SHC4: variants seen among roughly 807,000 people sequenced by gnomAD.
SHC4 encodes the protein SHC adaptor protein 4, also known as SHC-transforming protein 4.
Under a neutral mutation model 69.4 loss-of-function variants are expected in SHC4, and 41 were observed. The observed-to-expected ratio is 0.59, with a 90% CI of 0.46 to 0.77. The LOEUF (loss-of-function observed/expected upper bound fraction) is 0.77. Among genes scored for constraint, SHC4 ranks in the 30% least tolerant of loss-of-function variants. The pLI, the probability that SHC4 is intolerant of heterozygous loss-of-function variation, is 0.00. For missense variants in SHC4, 777 were observed against 783.8 expected, an observed-to-expected ratio of 0.99 and a Z score of 0.10; for synonymous variants, 318 against 299.3, an observed-to-expected ratio of 1.06 and a Z score of -0.64.
chr15:48,866,751 C>G (rs1408060308), intron 6 of SHC4, among the ~76,000 whole-genome samples: 1 of 152,186 alleles, frequency 6.6e-6, no homozygotes, highest in Non-Finnish European at 1.5e-5. Context: ...TTATAGCTCT[C>G]TAAATTTTCA....
At chr15:48,924,751 T>G (rs1221858257) in intron 2 of SHC4, 128 bp downstream of exon 2, 1 of 936,334 alleles carries the variant, frequency 1.1e-6, no homozygotes, top group African/African-American at 1.6e-5. Flanking sequence ...TGGGCGAGCC[T>G]TCTACACTCC....
At chr15:48,910,010 A>G (rs1364134414) in intron 2 of SHC4, among the ~76,000 whole-genome samples, 1 of 152,012 alleles carries the variant, frequency 6.6e-6, no homozygotes, top group Non-Finnish European at 1.5e-5. Flanking sequence ...ATTGGTCTGT[A>G]GTTTTCTTTT....
At chr15:48,878,611 C>T in intron 4 of SHC4, 2 of 1,614,022 alleles carry the variant, frequency 1.2e-6, no homozygotes, top group Non-Finnish European at 1.7e-6. Flanking sequence ...CCCTGGATGG[C>T]GGGTTTCAGA....
rs1348532286 is a variant in SHC4, at chr15:48,855,985, A to G, written c.1210T>C (p.Cys404Arg). Residue 404 changes from cysteine (C) to arginine (R), a missense_variant, in exon 8 of 12, where the codon TGC becomes CGC. Cys to Arg is a radical substitution (Grantham distance 180). Coordinates refer to ENST00000332408, the MANE Select transcript of SHC4 (RefSeq NM_203349.4). ...CACAACTTTTCACACTGTATGGGGCAGTAAGCCATTTGTTCCGTGGCTTGA... is the reference window on the plus strand; with the variant it reads ...CACAACTTTTCACACTGTATGGGGCGGTAAGCCATTTGTTCCGTGGCTTGA... The part of the protein sequence containing the change: ...KVQATEQMAY[C>R]PIQCEKLCYL... 1 of 1,613,834 alleles carries G rather than the reference A, an allele frequency of 6.2e-7. No individual in the cohort carries two copies. Among genetic ancestry groups the G allele is most frequent in the South Asian group, 1.1e-5 (1 of 91,002 alleles).
chr15:48,882,932 A>T (rs532239366), intron 4 of SHC4, among the ~76,000 whole-genome samples: 1 of 152,334 alleles, frequency 6.6e-6, no homozygotes, highest in Admixed American at 6.5e-5. Context: ...TACCAATGGT[A>T]TCACCACTCT....
At chr15:48,834,745 C>T (rs773855333) in intron 11 of SHC4, 24 bp downstream of exon 11, 2 of 1,612,124 alleles carry the variant, frequency 1.2e-6, no homozygotes, top group Non-Finnish European at 1.7e-6. Context: ...TCCTGTGAAA[C>T]CTCTAATGAG....
chr15:48,906,226 T>A (rs913707930), intron 2 of SHC4, among the ~76,000 whole-genome samples: 9 of 152,212 alleles, frequency 5.9e-5, no homozygotes, highest in African/African-American at 1.7e-4. Context: ...AATTGAACTA[T>A]GTTCTACAAT....
chr15:48,853,726 T>C (rs1034437222), intron 8 of SHC4, among the ~76,000 whole-genome samples: 3 of 151,918 alleles, frequency 2.0e-5, no homozygotes, highest in Non-Finnish European at 4.4e-5. Context: ...TCAACAAAAA[T>C]AAGCAATAGG....
At chr15:48,916,048 T>C (rs1416658390) in intron 2 of SHC4, among the ~76,000 whole-genome samples, 1 of 152,182 alleles carries the variant, frequency 6.6e-6, no homozygotes, top group Non-Finnish European at 1.5e-5. Context: ...TACTCTCACT[T>C]ATCCATGCAT....
At chr15:48,913,135 A>T (rs1900540428) in intron 2 of SHC4, among the ~76,000 whole-genome samples, 2 of 146,544 alleles carry the variant, frequency 1.4e-5, no homozygotes, top group Admixed American at 6.9e-5. Context: ...AGGAGCCCTT[A>T]GTGTGTGGGG....
chr15:48,890,485 C>A (rs1900116950), intron 3 of SHC4, among the ~76,000 whole-genome samples: 1 of 152,148 alleles, frequency 6.6e-6, no homozygotes, highest in Non-Finnish European at 1.5e-5. Flanking sequence ...CAGTAACAGC[C>A]AACTCTGGCA....
chr15:48,864,451 T>G (rs1266570001), intron 6 of SHC4, among the ~76,000 whole-genome samples: 1 of 132,144 alleles, frequency 7.6e-6, no homozygotes, highest in Non-Finnish European at 1.6e-5. Flanking sequence ...TTTTTTTTTT[T>G]TTTTTTTTTT....
Position 48,856,535 on chromosome 15 carries a change from G to C in SHC4, c.1071-411C>G, listed in dbSNP as rs189885311. The stretch of plus-strand genomic sequence containing the variant: ...AGATAAAATTTAAATATTGTTCTTC[G>C]GGTATAGGGCCTGTCCCAGTTTATT... On this transcript the variant is annotated intron_variant, in intron 7 of 11. Coordinates refer to ENST00000332408, the MANE Select transcript of SHC4 (RefSeq NM_203349.4). Among the ~76,000 whole-genome samples the C allele has an allele frequency of 2.1e-3, 313 of 151,912 alleles. 1 individual carries two copies. Among genetic ancestry groups the C allele is most frequent in the African/African-American group, 7.1e-3 (294 of 41,452 alleles).
intron 1 of SHC4, among the ~76,000 whole-genome samples, chr15:48,951,402 C>T (rs756959879): frequency 2.0e-5 from 3 of 152,076 alleles, no homozygotes; most frequent in Non-Finnish European, 4.4e-5. Context: ...CTCCAGGCTC[C>T]CTCCTCTTGC....
intron 10 of SHC4, among the ~76,000 whole-genome samples, chr15:48,838,857 A>C (rs1355203845): frequency 4.6e-5 from 7 of 152,174 alleles, no homozygotes; most frequent in Non-Finnish European, 1.0e-4. Flanking sequence ...TAGATCCCCA[A>C]CCTCACATAA....
rs146792389 is a variant in SHC4 at position 48,899,969 on chromosome 15, G to A, written c.657-9158C>T. 5.3e-5 allele frequency among the ~76,000 whole-genome samples: 8 copies of A among 152,236 alleles called. No individual in the cohort carries two copies. The East Asian group carries it at 7.7e-4, about 15-fold the overall frequency. ...CAGCTGATTAAACCTACTTGGACTC[G>A]TTGCATTGAGTAACAGGTTCTGTGC... On this transcript the variant is annotated intron_variant, in intron 2 of 11. Transcript: ENST00000332408.
intron 1 of SHC4, among the ~76,000 whole-genome samples, chr15:48,936,981 G>T (rs891733650): frequency 1.3e-5 from 2 of 152,078 alleles, no homozygotes; most frequent in Non-Finnish European, 2.9e-5. Flanking sequence ...TCATCCCTGT[G>T]GCAAAAACTA....
At position 48,939,130 on chromosome 15, in the gene SHC4, T is replaced by C. The variant is rs115614883; in HGVS notation, c.586-14181A>G. 2.5e-3 allele frequency among the ~76,000 whole-genome samples: 380 copies of C among 152,332 alleles called. 2 individuals carry two copies. Among genetic ancestry groups the C allele is most frequent in the African/African-American group, 8.9e-3 (368 of 41,572 alleles). ...GGATGACTATACTGCTGTTCCTGAT[T>C]GTCTTCAGTTCTACCTGCCTCAGTA... is the stretch of plus-strand genomic sequence containing the variant. On this transcript the variant is annotated intron_variant, in intron 1 of 11. Transcript: ENST00000332408.
intron 10 of SHC4, among the ~76,000 whole-genome samples, chr15:48,841,889 C>G (rs972180066): frequency 7.2e-5 from 11 of 152,208 alleles, no homozygotes; most frequent in Middle Eastern, 3.2e-3. Context: ...TTAATCTAGA[C>G]AGTTAAGACG....
Sources: gnomAD v4.1 joint callset for allele counts (sites outside exome capture counted in the v4.1 genomes callset) on GRCh38, gnomAD v4.1.1 for gene constraint, MANE v1.5 for transcripts, NCBI Gene and HGNC (gene_info 2026-07-23, HGNC 2026-07-21) for gene names.